The following ROBO1 variants were observed in gnomAD, a reference collection of about 807,000 sequenced individuals.
The protein encoded by ROBO1 is roundabout guidance receptor 1.
ROBO1 carries 149 observed loss-of-function variants against 195.9 expected under a neutral mutation model. That is an observed-to-expected ratio of 0.76 (90% CI 0.67 to 0.87). The LOEUF is 0.87. Among genes scored for constraint, ROBO1 ranks in the 40% least tolerant of loss-of-function variants. The pLI, the probability that ROBO1 is intolerant of heterozygous loss-of-function variation, is 0.00. For synonymous variants in ROBO1, 816 were observed against 733.2 expected, an observed-to-expected ratio of 1.11 and a Z score of -1.82; for missense variants, 1,933 against 2,068.3, an observed-to-expected ratio of 0.93 and a Z score of 1.27.
chr3:79,762,764 G>A (rs1272424812), intron 1 of ROBO1, among the ~76,000 whole-genome samples: 1 of 152,158 alleles, frequency 6.6e-6, no homozygotes, highest in African/African-American at 2.4e-5. Context: ...TGACTAAGGA[G>A]TTTAGAAATT....
At chr3:79,625,482 A>C (rs955352278) in intron 1 of ROBO1, among the ~76,000 whole-genome samples, 1 of 149,952 alleles carries the variant, frequency 6.7e-6, no homozygotes, top group Non-Finnish European at 1.5e-5. Flanking sequence ...AAAAAAGAAA[A>C]GAGAGAAGAA....
At chr3:79,066,024 T>A (rs938351170) in intron 3 of ROBO1, among the ~76,000 whole-genome samples, 6 of 151,932 alleles carry the variant, frequency 3.9e-5, no homozygotes, top group Non-Finnish European at 7.4e-5. Context: ...ACTTTAGACT[T>A]GCCAAATGAG....
chr3:78,727,313 T>C (rs554126254), intron 5 of ROBO1, among the ~76,000 whole-genome samples: 3 of 152,234 alleles, frequency 2.0e-5, no homozygotes, highest in East Asian at 1.9e-4. Context: ...AGGTAGGTAG[T>C]GCAAAAAGAA....
chr3:78,900,480 T>C lies in ROBO1; in HGVS notation c.499+38121A>G, dbSNP rs113698871. ...TGCAGCTCTAATGGAAGAACTTGCA[T>C]GATGTTCTTAATAAAAATGCTGGCT... On this transcript the variant is annotated intron_variant, in intron 4 of 30. Transcript: ENST00000464233. Among the ~76,000 whole-genome samples the C allele has an allele frequency of 3.2e-4, 49 of 152,294 alleles. 1 individual carries two copies. The highest frequency in any genetic ancestry group is 1.2e-3 in the African/African-American group (49 of 41,590).
At chr3:79,382,811 C>T (rs1193016933) in intron 2 of ROBO1, among the ~76,000 whole-genome samples, 7 of 151,994 alleles carry the variant, frequency 4.6e-5, no homozygotes, top group Non-Finnish European at 8.8e-5. Flanking sequence ...TTCTCAATTC[C>T]TTGTAATCAA....
rs1482903026 is a variant in ROBO1 at position 79,465,122 on chromosome 3, G to C, written c.88+124702C>G. 2.6e-5 allele frequency among the ~76,000 whole-genome samples: 4 copies of C among 152,088 alleles called. No individual in the cohort carries two copies. The East Asian group carries it at 7.7e-4, about 29-fold the overall frequency. On this transcript the variant is annotated intron_variant, in intron 2 of 30. Transcript: ENST00000464233. The stretch of plus-strand genomic sequence containing the variant: ...GGCTGGACCAACTGCTTTTTTTCCT[G>C]TTGTATTGCATAAACATTTTGAATA...
chr3:78,697,007 T>A (rs904049621), intron 8 of ROBO1, among the ~76,000 whole-genome samples: 2 of 150,328 alleles, frequency 1.3e-5, no homozygotes, highest in Admixed American at 1.3e-4. Flanking sequence ...AACAGTATAT[T>A]TTGACAAGAA....
chr3:79,036,535 A>G (rs2078383686), intron 3 of ROBO1, among the ~76,000 whole-genome samples: 1 of 152,216 alleles, frequency 6.6e-6, no homozygotes, highest in Non-Finnish European at 1.5e-5. Flanking sequence ...AGATGGTCTT[A>G]CACAAATTTA....
chr3:79,495,709 T>C (rs1047889137), intron 2 of ROBO1, among the ~76,000 whole-genome samples: 3 of 152,220 alleles, frequency 2.0e-5, no homozygotes, highest in African/African-American at 4.8e-5. Flanking sequence ...TAATCTTATA[T>C]ATTAATTTTA....
At chr3:78,661,002 T>A (rs374999633) in intron 16 of ROBO1, 28 bp downstream of exon 16, 13 of 1,498,508 alleles carry the variant, frequency 8.7e-6, no homozygotes, top group South Asian at 3.5e-5. Flanking sequence ...CTGCAATGCA[T>A]GGAAATCAAA....
intron 2 of ROBO1, chr3:79,507,800 T>A (rs192830787): frequency 6.5e-6 from 1 of 154,846 alleles, no homozygotes; most frequent in East Asian, 1.9e-4. Flanking sequence ...AAAATTCATA[T>A]GTTGAAGTCC....
At chr3:78,902,206 AATGT>A (rs1273602687) in intron 4 of ROBO1, among the ~76,000 whole-genome samples, 2 of 152,196 alleles carry the variant, frequency 1.3e-5, no homozygotes, top group African/African-American at 4.8e-5. Context: ...TAAATAAATA[AATGT>A]AAGAAAATAT....
intron 2 of ROBO1, among the ~76,000 whole-genome samples, chr3:79,585,011 T>G (rs1038523718): frequency 1.3e-5 from 2 of 151,900 alleles, no homozygotes; most frequent in East Asian, 3.9e-4. Context: ...TTCTATGAGA[T>G]TTATATAATG....
At chr3:79,154,374 G>C in intron 2 of ROBO1, among the ~76,000 whole-genome samples, 1 of 151,802 alleles carries the variant, frequency 6.6e-6, no homozygotes, top group East Asian at 2.0e-4. Flanking sequence ...ACTTCAAATA[G>C]ATAAATTTTT....
At chr3:79,486,474 T>C (rs528323703) in intron 2 of ROBO1, among the ~76,000 whole-genome samples, 40 of 152,302 alleles carry the variant, frequency 2.6e-4, no homozygotes, top group African/African-American at 9.6e-4. Flanking sequence ...TTGTAGTTAC[T>C]TGCTTATTTT....
chr3:78,651,857 T>C lies in ROBO1; in HGVS notation c.2687A>G (p.Gln896Arg). The C allele has an allele frequency of 6.2e-7, 1 of 1,613,880 alleles. No individual in the cohort carries two copies. Among genetic ancestry groups the C allele is most frequent in the South Asian group, 1.1e-5 (1 of 91,086 alleles). Residue 896 changes from glutamine (Q) to arginine (R), a missense_variant, in exon 19 of 31, where the codon CAG (glutamine) becomes CGG (arginine). Gln to Arg is a conservative substitution (Grantham distance 43). This residue lies in a region of ROBO1 where 1,737 missense variants were observed against 1,882.5 expected (regional missense o/e 0.92). Transcript: ENST00000464233. ...LAQQISDVVKQPAFIAGIGAA... is the reference protein window; with the variant it reads ...LAQQISDVVKRPAFIAGIGAA... ...TCCAATACCTGCTATGAAGGCCGGCTGCTTCACCACATCTGAAATCTGCTG... is the reference window on the plus strand; with the variant it reads ...TCCAATACCTGCTATGAAGGCCGGCCGCTTCACCACATCTGAAATCTGCTG...
At chr3:78,633,429 G>A (rs1016327717) in intron 24 of ROBO1, among the ~76,000 whole-genome samples, 6 of 152,130 alleles carry the variant, frequency 3.9e-5, no homozygotes, top group African/African-American at 1.4e-4. Flanking sequence ...GTTGCTTTAC[G>A]AGGCTTCAGA....
At position 78,938,586 on chromosome 3, in the gene ROBO1, G is replaced by A. The variant is rs188532839; in HGVS notation, c.499+15C>T. On this transcript the variant is annotated intron_variant, in intron 4 of 30. Coordinates refer to ENST00000464233, the MANE Select transcript of ROBO1 (RefSeq NM_002941.4). The stretch of plus-strand genomic sequence containing the variant: ...CCACTCCCTCTGCCAAACACAGAGC[G>A]CCCAGTTTACTTACTGGCTACTTCC... The A allele has an allele frequency of 5.2e-3, 8,248 of 1,592,252 alleles. 24 individuals carry two copies. The highest frequency in any genetic ancestry group is 6.3e-3 in the Non-Finnish European group (7,357 of 1,165,982).
intron 2 of ROBO1, among the ~76,000 whole-genome samples, chr3:79,400,876 AT>A (rs1488537145): frequency 6.6e-6 from 1 of 151,870 alleles, no homozygotes; most frequent in Non-Finnish European, 1.5e-5. Flanking sequence ...TTTCTGTAGG[AT>A]TTTTGGACTT....
Sources: gnomAD v4.1 joint callset for allele counts (sites outside exome capture counted in the v4.1 genomes callset) on GRCh38, gnomAD v4.1.1 for gene constraint, gnomAD v4.1.1 regional missense constraint, MANE v1.5 for transcripts, NCBI Gene and HGNC (gene_info 2026-07-23, HGNC 2026-07-21) for gene names.